Variants in PXDNL observed in about 807,000 individuals in gnomAD.
The protein encoded by PXDNL is peroxidasin like.
PXDNL carries 145 observed loss-of-function variants against 150.8 expected under a neutral mutation model. The ratio of observed to expected loss-of-function variants is 0.96; its 90% CI spans 0.84 to 1.10. PXDNL has a LOEUF of 1.10. Among genes scored for constraint, PXDNL ranks in the 50% least tolerant of loss-of-function variants. PXDNL has a pLI of 0.00. For synonymous variants in PXDNL, 757 were observed against 725.7 expected (o/e 1.04, Z -0.69); for missense variants, 2,087 against 1,873.9 (o/e 1.11, Z -2.10).
chr8:51,430,491 C>T (rs932713418), intron 12 of PXDNL, among the ~76,000 whole-genome samples: 1 of 152,200 alleles, frequency 6.6e-6, no homozygotes, highest in Non-Finnish European at 1.5e-5. Context: ...TCAGAGCTTA[C>T]CTGAACCAAC....
chr8:51,500,207 G>A (rs975848887), intron 4 of PXDNL, among the ~76,000 whole-genome samples: 1 of 152,186 alleles, frequency 6.6e-6, no homozygotes, highest in African/African-American at 2.4e-5. Context: ...CGGAGTCAAA[G>A]TATGGCATAT....
At chr8:51,544,536 A>T (rs1402412272) in intron 4 of PXDNL, among the ~76,000 whole-genome samples, 1 of 152,206 alleles carries the variant, frequency 6.6e-6, no homozygotes, top group Non-Finnish European at 1.5e-5. Context: ...GATGTAGCCA[A>T]CACATAGAAA....
chr8:51,676,400 C>T (rs1815623492), intron 1 of PXDNL, among the ~76,000 whole-genome samples: 1 of 152,118 alleles, frequency 6.6e-6, no homozygotes, highest in African/African-American at 2.4e-5. Flanking sequence ...CCTCAGCCTC[C>T]CAAGTAGCTA....
In PXDNL at chr8:51,578,086, GAGAA is replaced by G. The variant is rs552656487; in HGVS notation, c.308+14537_308+14540del. On this transcript the variant is annotated intron_variant, in intron 3 of 22. Transcript: ENST00000356297. ...AGGAAAGAAAGAAAAGAAAGAAAAAGAGAAAGAAAGAAAGAAAAAGAAAGAAAGA... is the reference window on the plus strand; with the variant it reads ...AGGAAAGAAAGAAAAGAAAGAAAAAGAGAAAGAAAGAAAAAGAAAGAAAGA... Among the ~76,000 whole-genome samples the G allele has an allele frequency of 7.4e-3, 891 of 119,966 alleles. 22 individuals carry two copies. The highest frequency in any genetic ancestry group is 0.011 in the Non-Finnish European group (649 of 58,330). The allele number at this position is 119,966 out of a possible 152,430, so 78.7% of individuals were successfully genotyped here. A position where few individuals can be genotyped will look rare whatever the true frequency, so the allele number is the denominator to read the frequency against.
intron 17 of PXDNL, among the ~76,000 whole-genome samples, chr8:51,405,482 C>T (rs998557541): frequency 1.3e-5 from 2 of 152,150 alleles, no homozygotes; most frequent in African/African-American, 4.8e-5. Flanking sequence ...AGACAAGGGC[C>T]TCCACCCAGT....
At chr8:51,629,693 C>T (rs967937660) in intron 2 of PXDNL, among the ~76,000 whole-genome samples, 5 of 152,076 alleles carry the variant, frequency 3.3e-5, no homozygotes, top group Admixed American at 2.6e-4. Context: ...TTGTCATGTA[C>T]AAGCGACCCA....
At position 51,571,744 on chromosome 8, in the gene PXDNL, C is replaced by T. The variant is rs569513564; in HGVS notation, c.309-14833G>A. Among the ~76,000 whole-genome samples, 4 of 151,874 alleles carry T rather than the reference C, an allele frequency of 2.6e-5. No homozygotes were observed. In the South Asian group the frequency reaches 6.2e-4, roughly 24 times the overall value. ...AGTTTTGACTCAGTTATGGAATGCT[C>T]AGAATATTAAGCTTATTTGTGTAGT... On this transcript the variant is annotated intron_variant, in intron 3 of 22. Transcript: ENST00000356297.
chr8:51,662,945 G>GATCTTTTTTAA (rs1815306396), intron 1 of PXDNL, among the ~76,000 whole-genome samples: 1 of 152,150 alleles, frequency 6.6e-6, no homozygotes, highest in African/African-American at 2.4e-5. Flanking sequence ...TGAAAGACTT[G>GATCTTTTTTAA]ATCTTTTTTA....
At chr8:51,644,690 CTCA>C (rs1403002193) in intron 2 of PXDNL, among the ~76,000 whole-genome samples, 2 of 151,650 alleles carry the variant, frequency 1.3e-5, no homozygotes, top group Non-Finnish European at 2.9e-5. Context: ...ATCTCCTGAC[CTCA>C]TGATCCACCC....
At chr8:51,393,653 A>G (rs1301594224) in intron 17 of PXDNL, among the ~76,000 whole-genome samples, 1 of 152,242 alleles carries the variant, frequency 6.6e-6, no homozygotes, top group Non-Finnish European at 1.5e-5. Flanking sequence ...GATTTTGCCA[A>G]TGTGATTCAC....
At chr8:51,780,965 G>A (rs1160529182) in intron 1 of PXDNL, among the ~76,000 whole-genome samples, 1 of 151,906 alleles carries the variant, frequency 6.6e-6, no homozygotes, top group Non-Finnish European at 1.5e-5. Flanking sequence ...TGGCCTCTGG[G>A]GCCTCTTTCA....
Position 51,409,328 on chromosome 8 carries a change from C to T in PXDNL, c.2296G>A (p.Gly766Arg), listed in dbSNP as rs1194737710. The T allele has an allele frequency of 6.9e-7, 1 of 1,441,174 alleles. No individual in the cohort carries two copies. The highest frequency in any genetic ancestry group is 2.8e-5 in the East Asian group (1 of 35,942). The allele number at this position is 1,441,174 out of a possible 1,614,324, so 89.3% of individuals were successfully genotyped here. The part of the protein sequence containing the change: ...AYRDGIRAPR[G>R]LGLPVGSRQP... ...CGGGAGCCCACAGGAAGGCCGAGCCCGCGGGGCGCGCGGATGCCGTCCCGG... is the reference window on the plus strand; with the variant it reads ...CGGGAGCCCACAGGAAGGCCGAGCCTGCGGGGCGCGCGGATGCCGTCCCGG... The change falls in exon 17 of 23, where the codon GGG becomes AGG. Residue 766 changes from glycine (G) to arginine (R), a missense_variant. Transcript: ENST00000356297.
intron 4 of PXDNL, among the ~76,000 whole-genome samples, chr8:51,500,883 A>G (rs1420758704): frequency 1.3e-5 from 2 of 152,230 alleles, no homozygotes; most frequent in African/African-American, 4.8e-5. Context: ...TCACAGTTAG[A>G]AATATTTTTG....
At chr8:51,481,116 CT>C (rs1405895411) in intron 6 of PXDNL, among the ~76,000 whole-genome samples, 13 of 152,100 alleles carry the variant, frequency 8.5e-5, no homozygotes, top group Non-Finnish European at 1.8e-4. Context: ...ACTTGGAGGG[CT>C]CAGAAGACAG....
chr8:51,731,019 C>T (rs571184390), intron 1 of PXDNL, among the ~76,000 whole-genome samples: 1 of 152,254 alleles, frequency 6.6e-6, no homozygotes, highest in South Asian at 2.1e-4. Flanking sequence ...ATCATTCTGC[C>T]CCTGGCCCCT....
rs974089241 is a variant in PXDNL at position 51,454,256 on chromosome 8, A to C, written c.983-471T>G. Reference sequence around the variant, plus strand: ...GGAGCCACTTTGTGATTAAGAGGTGAAAATTATGAGGAATAAAGAAACCTA... The same window carrying C: ...GGAGCCACTTTGTGATTAAGAGGTGCAAATTATGAGGAATAAAGAAACCTA... On this transcript the variant is annotated intron_variant, in intron 9 of 22. Coordinates refer to ENST00000356297, the MANE Select transcript of PXDNL (RefSeq NM_144651.5). 2.6e-5 allele frequency among the ~76,000 whole-genome samples: 4 copies of C among 152,330 alleles called. No homozygotes were observed. In the South Asian group the frequency reaches 8.3e-4, roughly 32 times the overall value.
intron 4 of PXDNL, among the ~76,000 whole-genome samples, chr8:51,500,751 G>T (rs747681254): frequency 2.6e-5 from 4 of 152,202 alleles, no homozygotes; most frequent in Non-Finnish European, 5.9e-5. Context: ...GTACATTTAT[G>T]TGGGAAGACA....
At chr8:51,719,815 A>G (rs557450753) in intron 1 of PXDNL, among the ~76,000 whole-genome samples, 2 of 152,096 alleles carry the variant, frequency 1.3e-5, no homozygotes, top group South Asian at 2.1e-4. Context: ...CCAGAGTATC[A>G]TATGTTTCAG....
chr8:51,703,701 G>A (rs1425492458), intron 1 of PXDNL, among the ~76,000 whole-genome samples: 1 of 152,078 alleles, frequency 6.6e-6, no homozygotes, highest in African/African-American at 2.4e-5. Flanking sequence ...AACTTCTTGT[G>A]TCCACTCATA....
Sources: allele counts gnomAD v4.1 joint callset (sites outside exome capture counted in the v4.1 genomes callset), GRCh38; gene constraint gnomAD v4.1.1; transcripts MANE v1.5; gene names NCBI Gene and HGNC (gene_info 2026-07-23, HGNC 2026-07-21).